WDR19: variants seen among roughly 807,000 people sequenced by gnomAD.
WDR19 encodes WD repeat-containing protein 19.
In WDR19, 121 loss-of-function variants were observed where a neutral mutation model predicts 180.0. That is an observed-to-expected ratio of 0.67 (90% CI 0.58 to 0.78). The LOEUF (loss-of-function observed/expected upper bound fraction) is 0.78. WDR19 is among the 30% of genes least tolerant of loss of function. The probability of loss-of-function intolerance (pLI) is 0.00; values close to 1 mark genes in which losing one functional copy is unlikely to be tolerated. For missense variants in WDR19, 1,450 were observed against 1,640.7 expected (o/e 0.88, Z 2.01); for synonymous variants, 497 against 540.7 (o/e 0.92, Z 1.12).
At chr4:39,241,754 C>A (rs1267502626) in intron 21 of WDR19, among the ~76,000 whole-genome samples, 1 of 148,004 alleles carries the variant, frequency 6.8e-6, no homozygotes, top group African/African-American at 2.5e-5. Flanking sequence ...GAGATCACAC[C>A]GTTGCACTCC....
chr4:39,247,199 A>C (rs1327808560), intron 24 of WDR19, among the ~76,000 whole-genome samples: 1 of 152,184 alleles, frequency 6.6e-6, no homozygotes, highest in East Asian at 1.9e-4. Flanking sequence ...CGGTTCACCA[A>C]TATCCACTGT....
chr4:39,214,135 T>A (rs1480800688), intron 9 of WDR19, among the ~76,000 whole-genome samples: 1 of 152,238 alleles, frequency 6.6e-6, no homozygotes, highest in Non-Finnish European at 1.5e-5. Flanking sequence ...TTCAACCTGA[T>A]CCTTCTGATC....
In WDR19 at chr4:39,231,807, G is replaced by C. The variant is rs753976268; in HGVS notation, c.1993G>C (p.Ala665Pro). 1.9e-6 allele frequency: 3 copies of C among 1,581,440 alleles called. No homozygotes were observed. The South Asian group carries it at 3.4e-5, about 18-fold the overall frequency. ...QNLMLKRFSD[A>P]WEMCRILNDE... ...GTTCTTACATCCCAGGTTTTCTGAT[G>C]CTTGGGAAATGTGCAGGATTCTGAA... The change falls in exon 18 of 37, where the codon GCT becomes CCT. Residue 665 changes from alanine to proline, a missense_variant. By Grantham distance (27) the Ala-to-Pro change is conservative. Transcript: ENST00000399820.
At chr4:39,209,448 C>T (rs1355960852) in intron 9 of WDR19, among the ~76,000 whole-genome samples, 1 of 151,960 alleles carries the variant, frequency 6.6e-6, no homozygotes, top group Non-Finnish European at 1.5e-5. Context: ...GCAAGATAAA[C>T]ATAAAGCAAA....
At chr4:39,228,383 C>A in intron 16 of WDR19, 26 bp downstream of exon 16, 1 of 1,602,572 alleles carries the variant, frequency 6.2e-7, no homozygotes, top group South Asian at 1.1e-5. Flanking sequence ...TGTGTATATT[C>A]GCTGACAGAT....
chr4:39,194,704 C>T (rs571279930), intron 5 of WDR19, 45 bp downstream of exon 5: 12 of 1,416,988 alleles, frequency 8.5e-6, no homozygotes, highest in Non-Finnish European at 1.2e-5. Context: ...AGATGCTCTA[C>T]CTCAATGTAA....
At chr4:39,191,326 A>G (rs1024803898) in intron 4 of WDR19, among the ~76,000 whole-genome samples, 1 of 152,206 alleles carries the variant, frequency 6.6e-6, no homozygotes, top group Non-Finnish European at 1.5e-5. Flanking sequence ...GTACATGACC[A>G]CCTTGCTTCC....
chr4:39,205,411 T>C (rs761328181), intron 8 of WDR19, 145 bp downstream of exon 8: 6 of 1,173,450 alleles, frequency 5.1e-6, no homozygotes, highest in South Asian at 1.6e-5. Flanking sequence ...TGATTTAGTA[T>C]GCAAAACTAC....
chr4:39,215,460 A>T lies in WDR19; in HGVS notation c.962-381A>T, dbSNP rs575054916. Among the ~76,000 whole-genome samples the T allele has an allele frequency of 1.9e-4, 29 of 152,286 alleles. No individual in the cohort carries two copies. The South Asian group carries it at 6.0e-3, about 32-fold the overall frequency. On this transcript the variant is annotated intron_variant, in intron 10 of 36. Coordinates refer to ENST00000399820, the MANE Select transcript of WDR19 (RefSeq NM_025132.4). ...AGTGTTCAGTACAGTAACATGCCAT[A>T]CAGGCTTATAGCCTAGGAGCAATAG...
chr4:39,195,398 A>AC (rs1726651392), intron 5 of WDR19, among the ~76,000 whole-genome samples: 2 of 151,668 alleles, frequency 1.3e-5, no homozygotes, highest in South Asian at 2.1e-4. Context: ...AAACAAACAA[A>AC]AAAAAACATT....
intron 6 of WDR19, among the ~76,000 whole-genome samples, chr4:39,201,364 C>T (rs1167863524): frequency 6.6e-6 from 1 of 152,132 alleles, no homozygotes; most frequent in African/African-American, 2.4e-5. Context: ...ATGACTAGAA[C>T]CTAGTCATGT....
In WDR19 at chr4:39,228,705, A is replaced by G. The variant is rs1730547981; in HGVS notation, c.1982+15A>G. On this transcript the variant is annotated intron_variant, in intron 17 of 36. Coordinates refer to ENST00000399820, the MANE Select transcript of WDR19 (RefSeq NM_025132.4). The stretch of plus-strand genomic sequence containing the variant: ...ATGCTAAAGAGGTAGGCTTTCACAC[A>G]CTTCTTTTGGAACTTCTCATTTGCT... 2.6e-6 allele frequency: 4 copies of G among 1,514,716 alleles called. No homozygotes were observed. In the African/African-American group the frequency reaches 5.6e-5, roughly 21 times the overall value. The allele number at this position is 1,514,716 out of a possible 1,614,324, so 93.8% of individuals were successfully genotyped here. A position where few individuals can be genotyped will look rare whatever the true frequency, so the allele number is the denominator to read the frequency against.
In WDR19 at chr4:39,228,560, C is replaced by A. The variant is rs749558342; in HGVS notation, c.1852C>A (p.Leu618Met). The stretch of plus-strand genomic sequence containing the variant: ...ACCTTTGCTGCTATATAATGGAGAG[C>A]TGACCTGCCAAACACAGAGTGGAAA... ...HKPLLLYNGE[L>M]TCQTQSGKVN... Residue 618 changes from leucine (L) to methionine (M), a missense_variant, in exon 17 of 37, where the codon CTG becomes ATG. Physicochemically the swap from Leu to Met is conservative, Grantham distance 15 (BLOSUM62 2). Transcript: ENST00000399820. 1.4e-5 allele frequency: 22 copies of A among 1,613,956 alleles called. 1 individual carries two copies. In the South Asian group the frequency reaches 2.3e-4, roughly 17 times the overall value.
Position 39,257,508 on chromosome 4 carries a change from GC to G in WDR19, c.3140del (p.Pro1047GlnfsTer9). The G allele has an allele frequency of 6.3e-7, 1 of 1,587,642 alleles. No homozygotes were observed. On this transcript the variant is annotated frameshift_variant, in exon 28 of 37. Transcript: ENST00000399820. LOFTEE classifies it high-confidence loss of function. ...YSRALKHFLK[C>X]PSSEDNVAIE... ...CAGGCACTTAAACACTTCCTGAAAT[GC>G]CCAAGCTCGGAAGATAATGTGGCAA...
chr4:39,182,993 G>A (rs1473880228), intron 1 of WDR19, among the ~76,000 whole-genome samples: 1 of 152,170 alleles, frequency 6.6e-6, no homozygotes, highest in Non-Finnish European at 1.5e-5. Context: ...GGCAAGCCGC[G>A]CAGCTGCCCA....
chr4:39,269,441 G>A (rs780133144), intron 30 of WDR19, among the ~76,000 whole-genome samples: 17 of 152,302 alleles, frequency 1.1e-4, no homozygotes, highest in Non-Finnish European at 2.1e-4. Flanking sequence ...GAACTCCATG[G>A]CCTGGTGGAC....
At chr4:39,244,431 A>C in intron 22 of WDR19, 39 bp from the exon 23 acceptor site, 14 of 1,613,842 alleles carry the variant, frequency 8.7e-6, no homozygotes, top group Non-Finnish European at 1.1e-5. Context: ...TCTTTTATAC[A>C]TAATAACTTA....
At chr4:39,225,230 CAT>C (rs944898617) in intron 15 of WDR19, among the ~76,000 whole-genome samples, 197 bp downstream of exon 15, 8 of 152,072 alleles carry the variant, frequency 5.3e-5, no homozygotes, top group Non-Finnish European at 1.2e-4. Flanking sequence ...TGTAATTTTT[CAT>C]AGTGGCCATC....
chr4:39,273,413 G>A (rs1025565367), intron 32 of WDR19: 2 of 260,036 alleles, frequency 7.7e-6, no homozygotes, highest in African/African-American at 2.3e-5. Context: ...ACTCCTCCAC[G>A]ACTGACTTGT....
Sources: allele counts gnomAD v4.1 joint callset (sites outside exome capture counted in the v4.1 genomes callset), GRCh38; gene constraint gnomAD v4.1.1; transcripts MANE v1.5; gene names NCBI Gene and HGNC (gene_info 2026-07-23, HGNC 2026-07-21).